CUBN: variants seen among roughly 807,000 people sequenced by gnomAD.
CUBN encodes cubilin.
A neutral mutation model predicts 405.3 loss-of-function variants in CUBN; 282 were observed. That is an observed-to-expected ratio of 0.70 (90% CI 0.63 to 0.77). CUBN has a LOEUF of 0.77. CUBN is among the 30% of genes least tolerant of loss of function. The pLI is 0.00. For missense variants in CUBN, 4,514 were observed against 4,475.2 expected (o/e 1.01, Z -0.25); for synonymous variants, 1,684 against 1,617.0 (o/e 1.04, Z -0.99).
intron 62 of CUBN, among the ~76,000 whole-genome samples, chr10:16,837,122 G>A (rs1247669958): frequency 1.3e-5 from 2 of 151,864 alleles, no homozygotes; most frequent in Non-Finnish European, 2.9e-5. Context: ...ACTGTCTCCT[G>A]CTCTTGGTCC....
intron 28 of CUBN, 61 bp from the exon 29 acceptor site, chr10:16,990,576 C>A: frequency 1.4e-6 from 2 of 1,466,864 alleles, no homozygotes; most frequent in Non-Finnish European, 1.9e-6. Flanking sequence ...AAAATAATTC[C>A]AAATTCAACT....
At chr10:17,032,941 T>C (rs559042998) in intron 27 of CUBN, among the ~76,000 whole-genome samples, 2 of 152,276 alleles carry the variant, frequency 1.3e-5, no homozygotes, top group South Asian at 4.1e-4. Flanking sequence ...ACCTCCTAAG[T>C]GCTCTGAAAT....
At chr10:16,907,459 T>C in intron 49 of CUBN, 49 bp downstream of exon 49, 1 of 1,571,428 alleles carries the variant, frequency 6.4e-7, no homozygotes, top group Non-Finnish European at 8.8e-7. Context: ...TGGGGGCATC[T>C]GCAGTGCCCC....
chr10:16,985,016 C>T (rs1208655399), intron 29 of CUBN, among the ~76,000 whole-genome samples: 2 of 152,230 alleles, frequency 1.3e-5, no homozygotes, highest in African/African-American at 2.4e-5. Context: ...CTAGACTCTG[C>T]CTTAGTCTCC....
chr10:16,943,079 AC>A (rs1842700702), intron 36 of CUBN, among the ~76,000 whole-genome samples: 2 of 152,160 alleles, frequency 1.3e-5, no homozygotes, highest in African/African-American at 4.8e-5. Flanking sequence ...GGCTCTGACC[AC>A]CTCAAGCCCT....
chr10:17,043,271 TA>T (rs1835054341), intron 26 of CUBN, among the ~76,000 whole-genome samples: 1 of 152,184 alleles, frequency 6.6e-6, no homozygotes, highest in Non-Finnish European at 1.5e-5. Flanking sequence ...AAAGTAGATT[TA>T]AAATGGCATC....
At position 17,084,429 on chromosome 10, in the gene CUBN, G is replaced by C. The variant is rs753548887; in HGVS notation, c.2143C>G (p.Pro715Ala). Residue 715 changes from proline to alanine, a missense_variant, in exon 17 of 67, where the codon CCA becomes GCA. Coordinates refer to ENST00000377833, the MANE Select transcript of CUBN (RefSeq NM_001081.4). ...DLRCGGNYTD[P>A]EGELFLPELS... Reference sequence around the variant, plus strand: ...TCAGGCAAGAAGAGTTCACCCTCTGGGTCCGTGTAGTTCCCACCACAACGC... The same window carrying C: ...TCAGGCAAGAAGAGTTCACCCTCTGCGTCCGTGTAGTTCCCACCACAACGC... 1 of 1,613,756 alleles carries C rather than the reference G, an allele frequency of 6.2e-7. No homozygotes were observed. The highest frequency in any genetic ancestry group is 2.2e-5 in the East Asian group (1 of 44,858).
chr10:17,021,653 AATGTT>A (rs1174614479), intron 27 of CUBN, among the ~76,000 whole-genome samples: 1 of 152,244 alleles, frequency 6.6e-6, no homozygotes. Context: ...ATTGAAAAAA[AATGTT>A]ATGACATGAA....
intron 31 of CUBN, among the ~76,000 whole-genome samples, chr10:16,982,204 A>T (rs368839768): frequency 1.3e-5 from 2 of 152,312 alleles, no homozygotes; most frequent in African/African-American, 4.8e-5. Context: ...AAACCACTGC[A>T]GCCATTTTTT....
At chr10:16,892,053 A>C (rs996807737) in intron 54 of CUBN, among the ~76,000 whole-genome samples, 1 of 152,282 alleles carries the variant, frequency 6.6e-6, no homozygotes, top group Non-Finnish European at 1.5e-5. Context: ...TTCCTCACCC[A>C]CAGCAATAAA....
At chr10:17,114,912 G>A (rs117959007) in intron 7 of CUBN, among the ~76,000 whole-genome samples, 3,513 of 152,206 alleles carry the variant, frequency 0.023, 86 homozygotes, top group Middle Eastern at 0.068. Flanking sequence ...CCAAGAGAAG[G>A]TCTTATCTCA....
chr10:16,898,906 T>C, intron 54 of CUBN, 90 bp downstream of exon 54: 1 of 1,020,712 alleles, frequency 9.8e-7, no homozygotes, highest in South Asian at 1.3e-5. Flanking sequence ...CAAAATTTTC[T>C]TACTTTGAGC....
At chr10:17,060,504 T>C (rs1182471789) in intron 22 of CUBN, among the ~76,000 whole-genome samples, 1 of 152,196 alleles carries the variant, frequency 6.6e-6, no homozygotes, top group Admixed American at 6.5e-5. Context: ...ATTAAGCATT[T>C]TGTTGCATTT....
At chr10:16,864,534 G>A (rs886449470) in intron 59 of CUBN, among the ~76,000 whole-genome samples, 1 of 151,828 alleles carries the variant, frequency 6.6e-6, no homozygotes, top group Non-Finnish European at 1.5e-5. Context: ...AAATTGATCA[G>A]TTTTTTAGTA....
intron 64 of CUBN, among the ~76,000 whole-genome samples, chr10:16,834,648 C>G (rs889627113): frequency 6.6e-6 from 1 of 152,202 alleles, no homozygotes; most frequent in Non-Finnish European, 1.5e-5. Flanking sequence ...TGTCCTTAGA[C>G]TTCCCTCTGA....
chr10:16,900,700 G>A lies in CUBN; in HGVS notation c.8335C>T (p.Leu2779=), dbSNP rs1841336155. 5.0e-6 allele frequency: 8 copies of A among 1,614,188 alleles called. No homozygotes were observed. The highest frequency in any genetic ancestry group is 6.8e-6 in the Non-Finnish European group (8 of 1,179,996). ...PRTIQSGSNQ[L]VVTFNSDHSL... is the part of the protein sequence containing the mutation. ...TGGTCTGAGTTAAAAGTCACGACCA[G>A]CTGATTGGAACCTGACTGTATTGTC... is the stretch of plus-strand genomic sequence containing the variant. The change falls in exon 53 of 67, where the codon CTG becomes TTG. Residue 2779 remains leucine (L), a synonymous_variant. Transcript: ENST00000377833.
At chr10:17,127,513 G>A (rs1341047090) in intron 3 of CUBN, among the ~76,000 whole-genome samples, 2 of 144,246 alleles carry the variant, frequency 1.4e-5, no homozygotes, top group African/African-American at 2.6e-5. Flanking sequence ...AGGCTCAAGC[G>A]ACCCTCCCTC....
At chr10:17,100,676 C>G (rs1044714940) in intron 13 of CUBN, among the ~76,000 whole-genome samples, 2 of 152,182 alleles carry the variant, frequency 1.3e-5, no homozygotes, top group African/African-American at 2.4e-5. Context: ...TTATCAAACA[C>G]ACAGACGTTC....
intron 54 of CUBN, among the ~76,000 whole-genome samples, chr10:16,896,151 T>C (rs1355398876): frequency 6.6e-6 from 1 of 152,194 alleles, no homozygotes; most frequent in Admixed American, 6.5e-5. Context: ...CATATCATTA[T>C]ACTGAATAAC....
Sources: allele counts gnomAD v4.1 joint callset (sites outside exome capture counted in the v4.1 genomes callset), GRCh38; gene constraint gnomAD v4.1.1; transcripts MANE v1.5; gene names NCBI Gene and HGNC (gene_info 2026-07-23, HGNC 2026-07-21).